The following XAGE5 variants were observed in gnomAD, a reference collection of about 807,000 sequenced individuals.
The protein encoded by XAGE5 is X antigen family member 5, also known as G antigen, family D, 5.
XAGE5 carries 13 observed loss-of-function variants against 13.1 expected under a neutral mutation model. The observed-to-expected ratio is 0.99, with a 90% CI of 0.64 to 1.57. XAGE5 has a LOEUF of 1.57. Ranked by LOEUF, XAGE5 falls within the 40% of genes most tolerant of loss-of-function variation. The probability of loss-of-function intolerance (pLI) is 0.00; values close to 1 mark genes in which losing one functional copy is unlikely to be tolerated. For synonymous variants in XAGE5, 17 were observed against 25.0 expected (o/e 0.68, Z 0.96); for missense variants, 86 against 77.6 (o/e 1.11, Z -0.41).
At chrX:52,815,261 A>C (rs782584671) in intron 5 of XAGE5, 44 bp downstream of exon 5, 2 of 1,150,215 alleles carry the variant, frequency 1.7e-6, no homozygotes, top group Non-Finnish European at 2.3e-6. Context: ...TTTCTGTATT[A>C]CACAATATTA....
intron 4 of XAGE5, 58 bp downstream of exon 4, chrX:52,813,303 C>T (rs1385789291): frequency 3.7e-5 from 38 of 1,024,187 alleles, no homozygotes; most frequent in Admixed American, 9.3e-5. Context: ...GTGTGCATCA[C>T]GCCTTATGCC....
intron 2 of XAGE5, 65 bp from the exon 3 acceptor site, chrX:52,812,482 CAAGCTGGCCTCG>C (rs782337534): frequency 1.8e-5 from 17 of 955,238 alleles, no homozygotes; most frequent in Non-Finnish European, 2.5e-5. Context: ...CCATTTTGGC[CAAGCTGGCCTCG>C]AGCTTCTGAC....
intron 2 of XAGE5, 105 bp from the exon 3 acceptor site, chrX:52,812,454 A>C: frequency 1.6e-6 from 1 of 629,099 alleles, no homozygotes; most frequent in Admixed American, 2.8e-5. Context: ...TTGTATTTTT[A>C]GTAGAGACGG....
At chrX:52,815,633 C>T (rs1926892211) in intron 5 of XAGE5, among the ~76,000 whole-genome samples, 1 of 112,710 alleles carries the variant, frequency 8.9e-6, no homozygotes, top group African/African-American at 3.2e-5. Context: ...AATCCAACAC[C>T]CATTTTTGCT....
chrX:52,814,578 C>G (rs1400516426), intron 4 of XAGE5, among the ~76,000 whole-genome samples: 1 of 111,942 alleles, frequency 8.9e-6, no homozygotes, highest in African/African-American at 3.3e-5. Context: ...CTTTGCACTT[C>G]AGTTCCCATA....
chrX:52,812,752 A>G (rs1433044254), intron 3 of XAGE5, 114 bp downstream of exon 3: 6 of 689,581 alleles, frequency 8.7e-6, no homozygotes, highest in Non-Finnish European at 1.3e-5. Context: ...ATAAAAAATG[A>G]TCATGGCATC....
chrX:52,814,971 C>T, intron 4 of XAGE5, 121 bp from the exon 5 acceptor site: 1 of 821,219 alleles, frequency 1.2e-6, no homozygotes, highest in Non-Finnish European at 1.7e-6. Flanking sequence ...GGAAAACAAA[C>T]ATTTATTACC....
At chrX:52,815,785 AATTGTAAT>A (rs782723822) in intron 5 of XAGE5, among the ~76,000 whole-genome samples, 1 of 112,275 alleles carries the variant, frequency 8.9e-6, no homozygotes, top group Admixed American at 9.4e-5. Flanking sequence ...GCTTCAGTCC[AATTGTAAT>A]ATCTGAGTTG....
At chrX:52,817,676 T>C (rs1419739445) in intron 5 of XAGE5, among the ~76,000 whole-genome samples, 2 of 112,444 alleles carry the variant, frequency 1.8e-5, no homozygotes, top group Non-Finnish European at 3.8e-5. Flanking sequence ...TCCACTTATG[T>C]ATTTCCTAAT....
chrX:52,816,865 A>G (rs1163746669), intron 5 of XAGE5, among the ~76,000 whole-genome samples: 1 of 112,193 alleles, frequency 8.9e-6, no homozygotes, highest in Non-Finnish European at 1.9e-5. Context: ...AACAAATTAC[A>G]TGATACAAGA....
intron 5 of XAGE5, 104 bp downstream of exon 5, chrX:52,815,321 G>A (rs1926886449): frequency 3.2e-6 from 3 of 950,264 alleles, no homozygotes; most frequent in Admixed American, 3.5e-5. Flanking sequence ...TAGAAATAGA[G>A]TTCAAATGCA....
chrX:52,813,045 CTG>C lies in XAGE5; in HGVS notation c.73-91_73-90del, dbSNP rs1401335256. 1.1e-5 allele frequency: 7 copies of C among 626,829 alleles called. No individual in the cohort carries two copies. In the African/African-American group the frequency reaches 1.3e-4, roughly 12 times the overall value. 51.7% of individuals were successfully genotyped at this position (626,829 alleles called of 1,213,427 possible). On this transcript the variant is annotated intron_variant, in intron 3 of 5. Coordinates refer to ENST00000375501, the MANE Select transcript of XAGE5 (RefSeq NM_001386970.1). ...TAAACATGCATATGATCAGAAGTAT[CTG>C]TGTAATCTGTATATTCATATTATTG...
intron 5 of XAGE5, among the ~76,000 whole-genome samples, chrX:52,816,013 G>T (rs1926900149): frequency 9.0e-6 from 1 of 111,699 alleles, no homozygotes. Flanking sequence ...GTCCAATCTT[G>T]GTTCACTGTG....
At chrX:52,811,780 G>C (rs1401452780) in intron 2 of XAGE5, among the ~76,000 whole-genome samples, 61 bp downstream of exon 2, 1 of 110,760 alleles carries the variant, frequency 9.0e-6, no homozygotes, top group East Asian at 2.8e-4. Flanking sequence ...CCCAAGGTTT[G>C]TATAACGAAC....
chrX:52,813,934 C>T (rs782327203), intron 4 of XAGE5, among the ~76,000 whole-genome samples: 4 of 111,230 alleles, frequency 3.6e-5, no homozygotes, highest in African/African-American at 9.8e-5. Context: ...GCCCGTGCGG[C>T]GGAGGCTGCA....
chrX:52,815,924 C>T (rs782560660), intron 5 of XAGE5, among the ~76,000 whole-genome samples: 1 of 111,865 alleles, frequency 8.9e-6, no homozygotes, highest in African/African-American at 3.2e-5. Context: ...GGCTCTTAAA[C>T]AACTATTGTT....
intron 3 of XAGE5, 106 bp from the exon 4 acceptor site, chrX:52,813,034 A>G (rs1926829888): frequency 1.7e-6 from 1 of 601,154 alleles, no homozygotes; most frequent in African/African-American, 2.2e-5. Context: ...CATGCATATG[A>G]TCAGAAGTAT....
chrX:52,815,530 CGTAATACCTCTTTGTGT>C (rs1556778012), intron 5 of XAGE5, among the ~76,000 whole-genome samples: 1 of 112,526 alleles, frequency 8.9e-6, no homozygotes, highest in African/African-American at 3.2e-5. Flanking sequence ...ATAATACACT[CGTAATACCTCTTTGTGT>C]GAAATATGCT....
In XAGE5 at chrX:52,818,173, G is replaced by A; in HGVS notation, c.305-18G>A. 9.9e-6 allele frequency: 12 copies of A among 1,210,443 alleles called. No homozygotes were observed. Among genetic ancestry groups the A allele is most frequent in the Non-Finnish European group, 1.2e-5 (11 of 894,544 alleles). On this transcript the variant is annotated intron_variant, in intron 5 of 5. Coordinates refer to ENST00000375501, the MANE Select transcript of XAGE5 (RefSeq NM_001386970.1). ...AGTTCTGCTAGTAATGTTCCCTCCT[G>A]TTATGTTTCTATTGCAGGGGAAGGG...
Sources: allele counts gnomAD v4.1 joint callset (sites outside exome capture counted in the v4.1 genomes callset), GRCh38; gene constraint gnomAD v4.1.1; transcripts MANE v1.5; gene names NCBI Gene and HGNC (gene_info 2026-07-23, HGNC 2026-07-21).